SLC35E2B: variants seen among roughly 807,000 people sequenced by gnomAD.
SLC35E2B encodes solute carrier family 35, member E2B.
Under a neutral mutation model 32.4 loss-of-function variants are expected in SLC35E2B, and 18 were observed. That is an observed-to-expected ratio of 0.56 (90% CI 0.38 to 0.82). The LOEUF (loss-of-function observed/expected upper bound fraction) is 0.82, where lower values mean the gene tolerates loss of function less well. Among genes scored for constraint, SLC35E2B ranks in the 40% least tolerant of loss-of-function variants. The pLI is 0.00. For missense variants in SLC35E2B, 263 were observed against 469.5 expected (o/e 0.56, Z 4.06); for synonymous variants, 132 against 209.1 (o/e 0.63, Z 3.18).
Position 1,663,049 on chromosome 1 carries a change from T to C in SLC35E2B, c.*2733A>G. On this transcript the variant is annotated 3_prime_UTR_variant, in exon 10 of 10. Coordinates refer to ENST00000617444, the MANE Select transcript of SLC35E2B (RefSeq NM_001290264.2). ...CAGCGGCTGGAAACTGACTTGGGCA[T>C]GGAGAGGAGACTGAGGGAGAGGGAG... is the stretch of plus-strand genomic sequence containing the variant. The C allele has an allele frequency of 3.1e-6, 3 of 955,262 alleles. No individual in the cohort carries two copies. Among genetic ancestry groups the C allele is most frequent in the African/African-American group, 1.8e-5 (1 of 57,026 alleles). 59.2% of individuals were successfully genotyped at this position (955,262 alleles called of 1,614,324 possible). A position where few individuals can be genotyped will look rare whatever the true frequency, so the allele number is the denominator to read the frequency against.
At chr1:1,686,321 CTTTT>C (rs375495225) in intron 2 of SLC35E2B, among the ~76,000 whole-genome samples, 60 of 127,792 alleles carry the variant, frequency 4.7e-4, no homozygotes, top group East Asian at 1.1e-3. Flanking sequence ...CTTTTTTTTT[CTTTT>C]TTTTTTTTTT....
intron 9 of SLC35E2B, among the ~76,000 whole-genome samples, chr1:1,667,719 G>A (rs980990441): frequency 1.3e-5 from 2 of 152,090 alleles, no homozygotes; most frequent in Non-Finnish European, 2.9e-5. Flanking sequence ...AAGACTAGTC[G>A]CAACGCCCGA....
chr1:1,683,382 C>G (rs1180444979), intron 2 of SLC35E2B, among the ~76,000 whole-genome samples: 2 of 152,182 alleles, frequency 1.3e-5, no homozygotes, highest in Non-Finnish European at 2.9e-5. Context: ...CCACGACACC[C>G]TCCTGAGGAT....
At chr1:1,666,085 G>C in intron 9 of SLC35E2B, 66 bp from the exon 10 acceptor site, 1 of 1,489,462 alleles carries the variant, frequency 6.7e-7, no homozygotes, top group Non-Finnish European at 9.0e-7. Flanking sequence ...GTGGCCAGCA[G>C]CTCGGCTGAG....
intron 2 of SLC35E2B, among the ~76,000 whole-genome samples, chr1:1,682,826 G>A (rs772475599): frequency 3.3e-5 from 5 of 152,112 alleles, no homozygotes; most frequent in Non-Finnish European, 5.9e-5. Flanking sequence ...GCTCACGCCT[G>A]TAATCCCAGC....
At chr1:1,689,028 T>C (rs180965617) in intron 2 of SLC35E2B, among the ~76,000 whole-genome samples, 4 of 151,862 alleles carry the variant, frequency 2.6e-5, no homozygotes, top group Non-Finnish European at 1.5e-5. Context: ...AAAACTTAGC[T>C]GGACGTGGTG....
chr1:1,688,444 C>CA (rs1290372501), intron 2 of SLC35E2B, among the ~76,000 whole-genome samples: 1 of 151,416 alleles, frequency 6.6e-6, no homozygotes, highest in South Asian at 2.1e-4. Context: ...ATTTCTACTA[C>CA]AAAAAATTAG....
intron 9 of SLC35E2B, 111 bp downstream of exon 9, chr1:1,668,216 T>C: frequency 6.8e-7 from 1 of 1,473,504 alleles, no homozygotes; most frequent in Admixed American, 2.2e-5. Flanking sequence ...ATAGCCACAC[T>C]CATCCCCGTG....
intron 5 of SLC35E2B, among the ~76,000 whole-genome samples, chr1:1,674,609 C>T (rs1252321881): frequency 6.7e-6 from 1 of 148,654 alleles, no homozygotes; most frequent in Non-Finnish European, 1.5e-5. Flanking sequence ...AGAGCAAGAC[C>T]CTGTCTCAAA....
intron 8 of SLC35E2B, among the ~76,000 whole-genome samples, chr1:1,668,752 A>G (rs1643608490): frequency 1.3e-5 from 2 of 152,204 alleles, no homozygotes; most frequent in African/African-American, 4.8e-5. Context: ...CACCATCATC[A>G]GGAAAATGCA....
chr1:1,665,777 T>C lies in SLC35E2B; in HGVS notation c.*5A>G, dbSNP rs951794846. On this transcript the variant is annotated 3_prime_UTR_variant, in exon 10 of 10. Transcript: ENST00000617444. ...AGGACAGCAGCAGCTGGCAGCTTCC[T>C]GCTCTCAGGGATGCTGCCTGGGGTC... is the stretch of plus-strand genomic sequence containing the variant. The C allele has an allele frequency of 1.3e-6, 2 of 1,549,340 alleles. No individual in the cohort carries two copies. The highest frequency in any genetic ancestry group is 2.4e-5 in the East Asian group (1 of 40,856).
At position 1,665,490 on chromosome 1, in the gene SLC35E2B, G is replaced by C. The variant is rs1643517683; in HGVS notation, c.*292C>G. On this transcript the variant is annotated 3_prime_UTR_variant, in exon 10 of 10. Transcript: ENST00000617444. ...GGACCCTGGGGTGTCGCCCAGAGAG[G>C]AAGTGGGCACCCCCAGCATGGGAGC... 2 of 560,852 alleles carry C rather than the reference G, an allele frequency of 3.6e-6. No individual in the cohort carries two copies. The highest frequency in any genetic ancestry group is 3.3e-5 in the Admixed American group (1 of 30,100). The allele number at this position is 560,852 out of a possible 1,614,324, so 34.7% of individuals were successfully genotyped here.
Position 1,668,321 on chromosome 1 carries a change from G to A in SLC35E2B, c.980+6C>T, listed in dbSNP as rs1285747215. 5.0e-6 allele frequency: 8 copies of A among 1,603,848 alleles called. No individual in the cohort carries two copies. Among genetic ancestry groups the A allele is most frequent in the Non-Finnish European group, 6.8e-6 (8 of 1,175,316 alleles). On this transcript the variant is annotated splice_donor_region_variant and intron_variant, in intron 9 of 9. Transcript: ENST00000617444. Reference sequence around the variant, plus strand: ...CACTCAACTCTTGGGAAGTTCCTCTGCTCACCTGAAAGTCACCGGGGAGAT... The same window carrying A: ...CACTCAACTCTTGGGAAGTTCCTCTACTCACCTGAAAGTCACCGGGGAGAT...
At chr1:1,678,325 C>T (rs903893080) in intron 2 of SLC35E2B, among the ~76,000 whole-genome samples, 3 of 152,138 alleles carry the variant, frequency 2.0e-5, no homozygotes, top group African/African-American at 4.8e-5. Flanking sequence ...CGGCCTCTCC[C>T]CCAGCTCACC....
chr1:1,666,934 G>A (rs1348942033), intron 9 of SLC35E2B, among the ~76,000 whole-genome samples: 4 of 150,802 alleles, frequency 2.7e-5, no homozygotes, highest in African/African-American at 2.4e-5. Flanking sequence ...GGTGAACCCC[G>A]TCTCCACTAA....
chr1:1,672,190 C>G (rs1643712384), intron 5 of SLC35E2B: 1 of 152,420 alleles, frequency 6.6e-6, no homozygotes, highest in African/African-American at 2.4e-5. Flanking sequence ...AGGTGAGACC[C>G]CGCCTCTACA....
intron 8 of SLC35E2B, 59 bp from the exon 9 acceptor site, chr1:1,668,531 A>C: frequency 1.2e-6 from 2 of 1,613,828 alleles, no homozygotes; most frequent in Non-Finnish European, 1.7e-6. Flanking sequence ...CTAATCATCC[A>C]CCAAAAACGC....
In SLC35E2B at chr1:1,670,141, C is replaced by T; in HGVS notation, c.718G>A (p.Val240Ile). Residue 240 changes from valine (V) to isoleucine (I), a missense_variant, in exon 7 of 10, where the codon GTT becomes ATT. Val to Ile is a conservative substitution (Grantham distance 29). Around this residue, in one of 7 missense-constraint regions of SLC35E2B, gnomAD observed 129 missense variants for 164.5 expected, o/e 0.78. Coordinates refer to ENST00000617444, the MANE Select transcript of SLC35E2B (RefSeq NM_001290264.2). The part of the protein sequence containing the change: ...STNIMDCLQN[V>I]FSKKLLSGDK... ...CCGCTGAGCAGCTTTTTTGAAAAAA[C>T]ATTTTGCAAACTAGAATAAAGAAAA... 1 of 1,551,194 alleles carries T rather than the reference C, an allele frequency of 6.4e-7. No homozygotes were observed. Among genetic ancestry groups the T allele is most frequent in the South Asian group, 1.2e-5 (1 of 84,018 alleles).
chr1:1,679,056 C>T (rs932500822), intron 2 of SLC35E2B, among the ~76,000 whole-genome samples: 2 of 152,154 alleles, frequency 1.3e-5, no homozygotes, highest in Admixed American at 6.5e-5. Flanking sequence ...CTTGACCTCT[C>T]CCTCCCACCT....
Sources: gnomAD v4.1 joint callset for allele counts (sites outside exome capture counted in the v4.1 genomes callset) on GRCh38, gnomAD v4.1.1 for gene constraint, gnomAD v4.1.1 regional missense constraint, MANE v1.5 for transcripts, NCBI Gene and HGNC (gene_info 2026-07-23, HGNC 2026-07-21) for gene names.